The following MICU1 variants were observed in gnomAD, a reference collection of about 807,000 sequenced individuals.
The protein encoded by MICU1 is mitochondrial calcium uptake 1.
A neutral mutation model predicts 56.8 loss-of-function variants in MICU1; 45 were observed. The ratio of observed to expected loss-of-function variants is 0.79; its 90% confidence interval spans 0.62 to 1.02. MICU1 has a LOEUF of 1.02. MICU1 is among the 50% of genes least tolerant of loss of function. The pLI is 0.00. For synonymous variants in MICU1, 186 were observed against 195.1 expected (o/e 0.95, Z 0.39); for missense variants, 504 against 587.1 (o/e 0.86, Z 1.46).
At chr10:72,621,501 A>G (rs1214866988) in intron 1 of MICU1, among the ~76,000 whole-genome samples, 1 of 152,126 alleles carries the variant, frequency 6.6e-6, no homozygotes, top group East Asian at 1.9e-4. Context: ...TCAAAAAATA[A>G]TAATAATAAT....
At position 72,532,970 on chromosome 10, in the gene MICU1, T is replaced by C. The variant is rs989114402; in HGVS notation, c.537+776A>G. 6 of 1,278,522 alleles carry C rather than the reference T, an allele frequency of 4.7e-6. No homozygotes were observed. In the Admixed American group the frequency reaches 7.2e-5, roughly 15 times the overall value. 79.2% of individuals were successfully genotyped at this position (1,278,522 alleles called of 1,614,324 possible). ...TTTTACTAACCCTGACCTCTCCCCA[T>C]CTAGACCCTCTTTTGTGATCCTGCC... On this transcript the variant is annotated intron_variant, in intron 5 of 11. Transcript: ENST00000361114.
chr10:72,620,283 C>T (rs1842073635), intron 1 of MICU1, among the ~76,000 whole-genome samples: 2 of 152,116 alleles, frequency 1.3e-5, no homozygotes, highest in Non-Finnish European at 2.9e-5. Context: ...CTCCCGGGTT[C>T]AGGCAATTCT....
At chr10:72,570,980 A>G (rs1464990276) in intron 1 of MICU1, among the ~76,000 whole-genome samples, 3 of 152,214 alleles carry the variant, frequency 2.0e-5, no homozygotes, top group African/African-American at 4.8e-5. Context: ...TAAAACATGC[A>G]TATCTGGAGG....
At chr10:72,555,855 G>A (rs1197211930) in intron 3 of MICU1, among the ~76,000 whole-genome samples, 1 of 152,214 alleles carries the variant, frequency 6.6e-6, no homozygotes, top group Admixed American at 6.5e-5. Flanking sequence ...GATAGGGGAA[G>A]AATGGGCTCT....
At chr10:72,578,305 T>TG (rs1225191773) in intron 1 of MICU1, among the ~76,000 whole-genome samples, 1 of 152,226 alleles carries the variant, frequency 6.6e-6, no homozygotes, top group Non-Finnish European at 1.5e-5. Context: ...TCACCCAAGT[T>TG]GGAGTGCAGT....
At chr10:72,576,368 T>C (rs920813272) in intron 1 of MICU1, among the ~76,000 whole-genome samples, 7 of 150,012 alleles carry the variant, frequency 4.7e-5, no homozygotes, top group Non-Finnish European at 8.9e-5. Context: ...AAAGTGCTAC[T>C]CCAATGAACA....
At chr10:72,501,464 C>T (rs534650386) in intron 6 of MICU1, among the ~76,000 whole-genome samples, 2 of 149,978 alleles carry the variant, frequency 1.3e-5, no homozygotes, top group African/African-American at 4.9e-5. Context: ...AAAAAAACAA[C>T]ATATGTTATA....
At chr10:72,517,966 G>A (rs571516172) in intron 5 of MICU1, among the ~76,000 whole-genome samples, 1 of 151,510 alleles carries the variant, frequency 6.6e-6, no homozygotes, top group African/African-American at 2.4e-5. Flanking sequence ...TGGTAGTAAT[G>A]TTCTCTCACT....
At chr10:72,609,458 G>A (rs1841778662) in intron 1 of MICU1, among the ~76,000 whole-genome samples, 1 of 152,150 alleles carries the variant, frequency 6.6e-6, no homozygotes, top group Admixed American at 6.6e-5. Flanking sequence ...TTGAAGGCCA[G>A]GCACGGAGAC....
At chr10:72,441,615 CTTTTTTTT>C (rs71018287) in intron 8 of MICU1, among the ~76,000 whole-genome samples, 4 of 105,474 alleles carry the variant, frequency 3.8e-5, no homozygotes, top group Non-Finnish European at 7.2e-5. Context: ...TTTAATTTTT[CTTTTTTTT>C]TTTTTTTTTT....
At chr10:72,372,926 A>G (rs1349457678) in intron 11 of MICU1, among the ~76,000 whole-genome samples, 3 of 151,842 alleles carry the variant, frequency 2.0e-5, no homozygotes, top group Non-Finnish European at 2.9e-5. Context: ...AAAAAAAAAA[A>G]AAAGAAAAAA....
chr10:72,439,207 C>A (rs897905362), intron 8 of MICU1, among the ~76,000 whole-genome samples: 1 of 152,134 alleles, frequency 6.6e-6, no homozygotes, highest in Non-Finnish European at 1.5e-5. Flanking sequence ...CCACCACGAT[C>A]AAGTTGGCTT....
intron 6 of MICU1, among the ~76,000 whole-genome samples, chr10:72,505,013 T>C (rs1246047081): frequency 6.6e-6 from 1 of 151,868 alleles, no homozygotes; most frequent in African/African-American, 2.4e-5. Flanking sequence ...GCACTGTCTC[T>C]CAGGCTGGAG....
intron 3 of MICU1, among the ~76,000 whole-genome samples, chr10:72,557,356 C>T (rs555376466): frequency 1.1e-3 from 166 of 152,230 alleles, no homozygotes; most frequent in Non-Finnish European, 1.2e-3. Context: ...AAGGGGAAAG[C>T]GCATTGAAAA....
intron 8 of MICU1, among the ~76,000 whole-genome samples, chr10:72,444,116 G>A (rs1258907250): frequency 3.3e-5 from 5 of 151,098 alleles, no homozygotes; most frequent in East Asian, 2.0e-4. Flanking sequence ...GTAAACTATC[G>A]CAAGAACAAA....
At chr10:72,399,122 TGCAAGGCTGGTTCAACATAC>T (rs1863363513) in intron 10 of MICU1, among the ~76,000 whole-genome samples, 1 of 152,220 alleles carries the variant, frequency 6.6e-6, no homozygotes, top group Non-Finnish European at 1.5e-5. Flanking sequence ...ATCCCTAGGA[TGCAAGGCTGGTTCAACATAC>T]GCAAACCATG....
At chr10:72,442,213 G>T (rs1163614682) in intron 8 of MICU1, among the ~76,000 whole-genome samples, 1 of 151,896 alleles carries the variant, frequency 6.6e-6, no homozygotes, top group African/African-American at 2.4e-5. Flanking sequence ...TGCAATCTTG[G>T]CTCACTGCAA....
At chr10:72,503,637 TAA>T (rs1867147797) in intron 6 of MICU1, among the ~76,000 whole-genome samples, 1 of 151,696 alleles carries the variant, frequency 6.6e-6, no homozygotes, top group African/African-American at 2.4e-5. Context: ...GAGAAAAAAA[TAA>T]AAGGCATCCA....
intron 1 of MICU1, among the ~76,000 whole-genome samples, chr10:72,569,726 C>T (rs1364831531): frequency 6.6e-6 from 1 of 152,058 alleles, no homozygotes; most frequent in African/African-American, 2.4e-5. Flanking sequence ...ATTTCGGGCA[C>T]CTCCATCCAG....
Sources: allele counts gnomAD v4.1 joint callset (sites outside exome capture counted in the v4.1 genomes callset), GRCh38; gene constraint gnomAD v4.1.1; transcripts MANE v1.5; gene names NCBI Gene and HGNC (gene_info 2026-07-23, HGNC 2026-07-21).